Variants in KIF26B observed in about 807,000 individuals in gnomAD.
The protein encoded by KIF26B is kinesin-like protein KIF26B.
In KIF26B, 63 loss-of-function variants were observed where a neutral mutation model predicts 151.2. The ratio of observed to expected loss-of-function variants is 0.42; its 90% CI spans 0.34 to 0.51. The LOEUF (loss-of-function observed/expected upper bound fraction) is 0.51, where lower values mean the gene tolerates loss of function less well. Ranked by LOEUF, KIF26B falls within the 20% of genes least tolerant of loss-of-function variation. The pLI, the probability that KIF26B is intolerant of heterozygous loss-of-function variation, is 0.07. For synonymous variants in KIF26B, 1,357 were observed against 1,262.1 expected (o/e 1.08, Z -1.59); for missense variants, 2,813 against 2,913.6 (o/e 0.97, Z 0.79).
chr1:245,682,220 G>A (rs980448287), intron 10 of KIF26B, among the ~76,000 whole-genome samples: 2 of 152,152 alleles, frequency 1.3e-5, no homozygotes, highest in Non-Finnish European at 2.9e-5. Context: ...ACTCCAGCCT[G>A]GGCAACAGAG....
In KIF26B at chr1:245,556,215, CTCCTCCTCCTCTTCTTCTTCTTCT is replaced by C. The variant is rs1195529148; in HGVS notation, c.1350+15273_1350+15296del. Among the ~76,000 whole-genome samples the C allele has an allele frequency of 2.7e-5, 4 of 150,670 alleles. No individual in the cohort carries two copies. In the East Asian group the frequency reaches 7.8e-4, roughly 29 times the overall value. The stretch of plus-strand genomic sequence containing the variant: ...TTAGCACATCAATCTCTTCTTCTTC[CTCCTCCTCCTCTTCTTCTTCTTCT>C]TCCTCCTTCTTCCTCCTTCCTCCCT... On this transcript the variant is annotated intron_variant, in intron 5 of 14. Transcript: ENST00000407071.
At chr1:245,359,012 G>C (rs143472438) in intron 2 of KIF26B, among the ~76,000 whole-genome samples, 1 of 151,894 alleles carries the variant, frequency 6.6e-6, no homozygotes, top group South Asian at 2.1e-4. Flanking sequence ...GTGAAATCAG[G>C]TTTCTCTCTC....
At chr1:245,379,531 A>G (rs1673354785) in intron 3 of KIF26B, among the ~76,000 whole-genome samples, 1 of 151,434 alleles carries the variant, frequency 6.6e-6, no homozygotes, top group African/African-American at 2.4e-5. Flanking sequence ...CACAGGACTC[A>G]GCCCTTTCAT....
intron 5 of KIF26B, among the ~76,000 whole-genome samples, chr1:245,583,933 A>G (rs1295767522): frequency 2.0e-5 from 3 of 152,236 alleles, no homozygotes; most frequent in Admixed American, 6.5e-5. Context: ...ACAGTTCACA[A>G]AAGGACCCTC....
At chr1:245,251,842 C>A (rs1340190027) in intron 2 of KIF26B, among the ~76,000 whole-genome samples, 1 of 151,994 alleles carries the variant, frequency 6.6e-6, no homozygotes, top group Non-Finnish European at 1.5e-5. Context: ...ATTCTTGGCT[C>A]TTATGACTGG....
chr1:245,213,271 T>C (rs1669579502), intron 2 of KIF26B, among the ~76,000 whole-genome samples: 1 of 152,178 alleles, frequency 6.6e-6, no homozygotes. Flanking sequence ...AGGGGCCACA[T>C]GACCACTTCA....
chr1:245,156,134 G>A, intron 1 of KIF26B, 148 bp from the exon 2 acceptor site: 1 of 1,191,660 alleles, frequency 8.4e-7, no homozygotes. Flanking sequence ...ACAGACGGAG[G>A]GCAATTTGGC....
At chr1:245,625,705 C>T (rs1160830144) in intron 9 of KIF26B, among the ~76,000 whole-genome samples, 1 of 152,088 alleles carries the variant, frequency 6.6e-6, no homozygotes, top group Non-Finnish European at 1.5e-5. Flanking sequence ...TGCTATCAAA[C>T]ACTACGGCTT....
chr1:245,422,289 C>A (rs183025317), intron 4 of KIF26B, among the ~76,000 whole-genome samples: 2 of 152,172 alleles, frequency 1.3e-5, no homozygotes, highest in South Asian at 2.1e-4. Flanking sequence ...ATTTCCCCCC[C>A]ACCCTTTACT....
At chr1:245,254,442 G>T (rs145593955) in intron 2 of KIF26B, among the ~76,000 whole-genome samples, 418 of 152,250 alleles carry the variant, frequency 2.7e-3, no homozygotes, top group African/African-American at 9.6e-3. Flanking sequence ...GGGGGTTGGG[G>T]GAGGAGGGCT....
chr1:245,432,959 G>C (rs1658816117), intron 4 of KIF26B, among the ~76,000 whole-genome samples: 1 of 152,100 alleles, frequency 6.6e-6, no homozygotes, highest in African/African-American at 2.4e-5. Context: ...TTATTTTCTT[G>C]CCTCTAAAAG....
intron 5 of KIF26B, among the ~76,000 whole-genome samples, chr1:245,590,150 T>C (rs2043271861): frequency 6.8e-6 from 1 of 147,976 alleles, no homozygotes; most frequent in South Asian, 2.2e-4. Flanking sequence ...GTGCCCAACG[T>C]GGCAGGGAGG....
chr1:245,617,286 CG>C (rs1402861010), intron 9 of KIF26B, among the ~76,000 whole-genome samples: 1 of 152,112 alleles, frequency 6.6e-6, no homozygotes, highest in African/African-American at 2.4e-5. Context: ...TTAGTAGAGA[CG>C]GGGTTTCACC....
intron 2 of KIF26B, among the ~76,000 whole-genome samples, chr1:245,168,554 A>G (rs1668653056): frequency 6.6e-6 from 1 of 152,206 alleles, no homozygotes; most frequent in Admixed American, 6.5e-5. Flanking sequence ...ATTTTACATT[A>G]AAAGTTCTGC....
intron 2 of KIF26B, among the ~76,000 whole-genome samples, chr1:245,311,148 G>A (rs1242664491): frequency 1.3e-5 from 2 of 152,114 alleles, no homozygotes; most frequent in Admixed American, 1.3e-4. Context: ...AGCTAGACTC[G>A]CCTGTCTCTG....
At chr1:245,567,389 C>G (rs1174720593) in intron 5 of KIF26B, among the ~76,000 whole-genome samples, 1 of 152,176 alleles carries the variant, frequency 6.6e-6, no homozygotes, top group Non-Finnish European at 1.5e-5. Flanking sequence ...AAGCTGTGCC[C>G]TAGAGTCCCA....
chr1:245,577,648 C>A (rs1235728956), intron 5 of KIF26B, among the ~76,000 whole-genome samples: 1 of 147,756 alleles, frequency 6.8e-6, no homozygotes, highest in Non-Finnish European at 1.5e-5. Context: ...CTTTGTGGAA[C>A]TCCAGGCGAT....
chr1:245,275,829 A>G (rs1406698228), intron 2 of KIF26B, among the ~76,000 whole-genome samples: 1 of 152,130 alleles, frequency 6.6e-6, no homozygotes, highest in Non-Finnish European at 1.5e-5. Flanking sequence ...TAATTCTTGT[A>G]AAGTCAGTCT....
intron 4 of KIF26B, among the ~76,000 whole-genome samples, chr1:245,486,988 G>A (rs960264725): frequency 4.6e-5 from 7 of 152,168 alleles, no homozygotes; most frequent in African/African-American, 1.4e-4. Context: ...TCCCAAAGTC[G>A]GACGTCCTGG....
Sources: allele counts gnomAD v4.1 joint callset (sites outside exome capture counted in the v4.1 genomes callset), GRCh38; gene constraint gnomAD v4.1.1; transcripts MANE v1.5; gene names NCBI Gene and HGNC (gene_info 2026-07-23, HGNC 2026-07-21).